UNC13C: variants seen among roughly 807,000 people sequenced by gnomAD.
The protein encoded by UNC13C is protein unc-13 homolog C.
A neutral mutation model predicts 245.4 loss-of-function variants in UNC13C; 174 were observed. That is an observed-to-expected ratio of 0.71 (90% CI 0.63 to 0.80). The LOEUF (loss-of-function observed/expected upper bound fraction) is 0.80. Ranked by LOEUF, UNC13C falls within the 30% of genes least tolerant of loss-of-function variation. The probability of loss-of-function intolerance (pLI) is 0.00; values close to 1 mark genes in which losing one functional copy is unlikely to be tolerated. For synonymous variants in UNC13C, 992 were observed against 895.1 expected (o/e 1.11, Z -1.93); for missense variants, 2,829 against 2,602.9 (o/e 1.09, Z -1.89).
chr15:54,228,980 G>A (rs1370130455), intron 4 of UNC13C, among the ~76,000 whole-genome samples: 1 of 152,172 alleles, frequency 6.6e-6, no homozygotes, highest in Admixed American at 6.5e-5. Context: ...CAACAGCATT[G>A]TAGCCTTTTA....
intron 19 of UNC13C, among the ~76,000 whole-genome samples, chr15:54,468,297 G>A (rs1005573080): frequency 1.3e-5 from 2 of 151,580 alleles, no homozygotes; most frequent in African/African-American, 4.8e-5. Flanking sequence ...TTTAAATAGG[G>A]TTGTTTTATT....
Position 54,013,788 on chromosome 15 carries a change from T to A in UNC13C, c.885T>A (p.Phe295Leu). Residue 295 changes from phenylalanine (F) to leucine (L), a missense_variant, in exon 2 of 33, where the codon TTT becomes TTA. By Grantham distance (22) the Phe-to-Leu change is conservative. Coordinates refer to ENST00000260323, the MANE Select transcript of UNC13C (RefSeq NM_001080534.3). ...AAATTGAGCAGTTGCGCACAGGGTT[T>A]GTCCAGTCTCGGAGGGAAACTAGAG... ...QSEIEQLRTGFVQSRRETRDI... is the reference protein window; with the variant it reads ...QSEIEQLRTGLVQSRRETRDI... The A allele has an allele frequency of 6.2e-7, 1 of 1,611,514 alleles. No homozygotes were observed. The highest frequency in any genetic ancestry group is 8.5e-7 in the Non-Finnish European group (1 of 1,178,874).
intron 2 of UNC13C, among the ~76,000 whole-genome samples, chr15:54,104,379 T>TA (rs1320585563): frequency 2.6e-5 from 4 of 152,284 alleles, no homozygotes; most frequent in East Asian, 3.9e-4. Flanking sequence ...TATGCTAACT[T>TA]AAAAAAATAT....
At chr15:54,434,672 G>A (rs2040943295) in intron 19 of UNC13C, among the ~76,000 whole-genome samples, 1 of 152,072 alleles carries the variant, frequency 6.6e-6, no homozygotes, top group African/African-American at 2.4e-5. Flanking sequence ...ACATAGGCAT[G>A]AGCAAAGACT....
the UNC13C span, among the ~76,000 whole-genome samples, chr15:53,865,448 T>G: frequency 6.6e-6 from 1 of 152,194 alleles, no homozygotes; most frequent in African/African-American, 2.4e-5. Context: ...ACTTGACCTT[T>G]TTTGTGTGCA....
intron 30 of UNC13C, among the ~76,000 whole-genome samples, chr15:54,589,450 C>T (rs890055435): frequency 6.6e-6 from 1 of 151,766 alleles, no homozygotes; most frequent in East Asian, 1.9e-4. Flanking sequence ...AGGCACATGC[C>T]ACCATGCCCA....
At chr15:54,511,875 A>C (rs1232049020) in intron 24 of UNC13C, 45 bp downstream of exon 24, 1 of 1,361,040 alleles carries the variant, frequency 7.3e-7, no homozygotes, top group South Asian at 1.3e-5. Flanking sequence ...CTACTTAGAG[A>C]TTATTAGCAG....
chr15:53,912,086 T>G, the UNC13C span: 1 of 152,132 alleles, frequency 6.6e-6, no homozygotes, highest in African/African-American at 2.4e-5. Flanking sequence ...CACATGCGGA[T>G]GTGGATTGAT....
At chr15:53,926,321 A>G in the UNC13C span, among the ~76,000 whole-genome samples, 2 of 152,180 alleles carry the variant, frequency 1.3e-5, no homozygotes, top group Non-Finnish European at 2.9e-5. Context: ...TAATGGCTGC[A>G]TGATCCTAGG....
intron 18 of UNC13C, among the ~76,000 whole-genome samples, chr15:54,393,863 C>T (rs1567235802): frequency 6.6e-6 from 1 of 151,852 alleles, no homozygotes; most frequent in East Asian, 1.9e-4. Context: ...TCCAATCCAA[C>T]TTTAATATTG....
At chr15:54,061,023 C>T (rs772833967) in intron 2 of UNC13C, among the ~76,000 whole-genome samples, 16 of 151,724 alleles carry the variant, frequency 1.1e-4, no homozygotes, top group Non-Finnish European at 1.5e-4. Flanking sequence ...TGCTAAATGA[C>T]GAGTTAATGG....
At chr15:54,111,576 G>C (rs1267200004) in intron 2 of UNC13C, among the ~76,000 whole-genome samples, 1 of 152,124 alleles carries the variant, frequency 6.6e-6, no homozygotes, top group Non-Finnish European at 1.5e-5. Flanking sequence ...AAATCGATGG[G>C]CAATATGATC....
At chr15:54,418,910 T>C (rs1317000430) in intron 19 of UNC13C, among the ~76,000 whole-genome samples, 1 of 152,112 alleles carries the variant, frequency 6.6e-6, no homozygotes, top group East Asian at 1.9e-4. Context: ...ACACTTATAG[T>C]AAGCACATTC....
Position 54,601,054 on chromosome 15 carries a change from C to G in UNC13C, c.6107-21273C>G, listed in dbSNP as rs143978821. ...TTACAAATTTGAGTTAGGCTGTATTCAAAGCCATCCTGTGCCACATGCAGC... is the reference window on the plus strand; with the variant it reads ...TTACAAATTTGAGTTAGGCTGTATTGAAAGCCATCCTGTGCCACATGCAGC... On this transcript the variant is annotated intron_variant, in intron 30 of 32. Transcript: ENST00000260323. Among the ~76,000 whole-genome samples the G allele has an allele frequency of 1.7e-3, 251 of 150,740 alleles. 1 individual carries two copies. Among genetic ancestry groups the G allele is most frequent in the African/African-American group, 5.9e-3 (243 of 41,454 alleles).
intron 4 of UNC13C, among the ~76,000 whole-genome samples, chr15:54,152,426 C>T (rs1178998524): frequency 6.6e-6 from 1 of 152,176 alleles, no homozygotes; most frequent in Non-Finnish European, 1.5e-5. Context: ...TATTAGTATA[C>T]ATTTCAGCTC....
intron 2 of UNC13C, among the ~76,000 whole-genome samples, chr15:54,025,250 T>C (rs190402702): frequency 1.3e-4 from 20 of 152,360 alleles, no homozygotes; most frequent in Admixed American, 1.2e-3. Flanking sequence ...GGATGCTTTT[T>C]ATTTTGGAGT....
At chr15:54,319,380 ATT>A (rs2038090888) in intron 13 of UNC13C, among the ~76,000 whole-genome samples, 1 of 151,734 alleles carries the variant, frequency 6.6e-6, no homozygotes, top group Non-Finnish European at 1.5e-5. Context: ...AATAAATAAT[ATT>A]GTTTGTGGAT....
At chr15:54,416,920 C>T (rs1488042729) in intron 19 of UNC13C, 1 of 456,402 alleles carries the variant, frequency 2.2e-6, no homozygotes, top group Admixed American at 2.4e-5. Context: ...ATTTTTTGGC[C>T]AGCTGCTCTG....
chr15:54,038,124 A>AAATTTTTTTTTTTTTT (rs1555406259), intron 2 of UNC13C, among the ~76,000 whole-genome samples: 1 of 45,040 alleles, frequency 2.2e-5, no homozygotes, highest in African/African-American at 1.1e-4. Flanking sequence ...ATATATATAT[A>AAATTTTTTTTTTTTTT]TTTTTTTTTT....
Sources: allele counts gnomAD v4.1 joint callset (sites outside exome capture counted in the v4.1 genomes callset), GRCh38; gene constraint gnomAD v4.1.1; transcripts MANE v1.5; gene names NCBI Gene and HGNC (gene_info 2026-07-23, HGNC 2026-07-21).